The following MBOAT2 variants were observed in gnomAD, a reference collection of about 807,000 sequenced individuals.
MBOAT2 encodes the protein membrane bound glycerophospholipid O-acyltransferase 2.
MBOAT2 carries 28 observed loss-of-function variants against 63.4 expected under a neutral mutation model. That is an observed-to-expected ratio of 0.44 (90% CI 0.33 to 0.61). The LOEUF is 0.61. Among genes scored for constraint, MBOAT2 ranks in the 20% least tolerant of loss-of-function variants. The pLI is 0.03. For synonymous variants in MBOAT2, 211 were observed against 215.6 expected, an observed-to-expected ratio of 0.98 and a Z score of 0.19; for missense variants, 470 against 605.8, an observed-to-expected ratio of 0.78 and a Z score of 2.35.
chr2:8,859,112 T>C (rs1346332332), intron 12 of MBOAT2, among the ~76,000 whole-genome samples: 1 of 152,218 alleles, frequency 6.6e-6, no homozygotes, highest in Non-Finnish European at 1.5e-5. Flanking sequence ...CCAGGCTAAT[T>C]AGAAGCCTGA....
Position 8,856,310 on chromosome 2 carries a change from A to ACACACACACAC in MBOAT2, c.*2368_*2369insGTGTGTGTGTG, listed in dbSNP as rs60303614. 13 of 147,758 alleles carry ACACACACACAC rather than the reference A, an allele frequency of 8.8e-5. No homozygotes were observed. In the South Asian group the frequency reaches 1.7e-3, roughly 19 times the overall value. The allele number at this position is 147,758 out of a possible 1,614,324, so 9.2% of individuals were successfully genotyped here. A position where few individuals can be genotyped will look rare whatever the true frequency, so the allele number is the denominator to read the frequency against. ...GTGGCTAGATAGGCTGAACCAAAAA[A>ACACACACACAC]AAACACACACACACACACACACACA... On this transcript the variant is annotated 3_prime_UTR_variant, in exon 13 of 13. Transcript: ENST00000305997. This position sits in a 1 kb window ranked among gnomAD's most constrained non-coding sequence, Gnocchi z 4.2.
intron 10 of MBOAT2, among the ~76,000 whole-genome samples, chr2:8,863,589 G>A (rs1037756741): frequency 2.0e-5 from 3 of 152,028 alleles, no homozygotes; most frequent in East Asian, 3.9e-4. Flanking sequence ...AGTTCTTCCC[G>A]CATCCCTCTG....
intron 4 of MBOAT2, among the ~76,000 whole-genome samples, chr2:8,892,161 G>A (rs1664050869): frequency 2.6e-5 from 4 of 152,308 alleles, no homozygotes; most frequent in Non-Finnish European, 4.4e-5. Flanking sequence ...TTTCATGATT[G>A]TTCCATTATC....
chr2:8,884,010 G>A (rs1449409050), intron 5 of MBOAT2, among the ~76,000 whole-genome samples: 2 of 150,930 alleles, frequency 1.3e-5, no homozygotes, highest in Admixed American at 1.3e-4. Flanking sequence ...ATCACCTGAG[G>A]CCAGGAGTTT....
rs563428996 is a variant in MBOAT2 at position 9,003,359 on chromosome 2, G to A, written c.75+181C>T. Among the ~76,000 whole-genome samples the A allele has an allele frequency of 2.7e-3, 412 of 152,112 alleles. 1 individual carries two copies. Among genetic ancestry groups the A allele is most frequent in the Non-Finnish European group, 4.2e-3 (285 of 67,946 alleles). The stretch of plus-strand genomic sequence containing the variant: ...GGCGGGCTGGGGGCGCACCCAGGAG[G>A]GAGGGGGCTCTGGGACAATAACCGG... On this transcript the variant is annotated intron_variant, in intron 1 of 12. Transcript: ENST00000305997. This position sits in a 1 kb window ranked among gnomAD's most constrained non-coding sequence, Gnocchi z 5.4.
chr2:8,956,233 A>G (rs1573162128), intron 2 of MBOAT2, among the ~76,000 whole-genome samples: 1 of 152,192 alleles, frequency 6.6e-6, no homozygotes, highest in Non-Finnish European at 1.5e-5. Flanking sequence ...TTGAGCCTAC[A>G]AAAGAAAGTA....
Position 8,895,535 on chromosome 2 carries a change from A to G in MBOAT2, c.396-7462T>C, listed in dbSNP as rs530278500. Among the ~76,000 whole-genome samples the G allele has an allele frequency of 2.0e-5, 3 of 151,578 alleles. No homozygotes were observed. The East Asian group carries it at 5.8e-4, about 29-fold the overall frequency. ...TGCATTTACAAACCTTTAGCTAGATACAAAGTGCTGATTGGTGCATTTACA... is the reference window on the plus strand; with the variant it reads ...TGCATTTACAAACCTTTAGCTAGATGCAAAGTGCTGATTGGTGCATTTACA... On this transcript the variant is annotated intron_variant, in intron 4 of 12. Transcript: ENST00000305997.
intron 1 of MBOAT2, among the ~76,000 whole-genome samples, chr2:8,980,711 T>G (rs1244185152): frequency 1.3e-5 from 2 of 152,038 alleles, no homozygotes; most frequent in African/African-American, 4.8e-5. Context: ...AAAAAGATCG[T>G]TAAGTGTTGA....
chr2:8,948,884 T>C (rs1668612104), intron 2 of MBOAT2, among the ~76,000 whole-genome samples: 1 of 152,226 alleles, frequency 6.6e-6, no homozygotes. Flanking sequence ...GGTCAAACGG[T>C]AGTTGTTTCA....
chr2:8,953,483 T>C (rs1668986326), intron 2 of MBOAT2, among the ~76,000 whole-genome samples: 1 of 152,226 alleles, frequency 6.6e-6, no homozygotes, highest in Non-Finnish European at 1.5e-5. Flanking sequence ...GATGGCTACT[T>C]CTAGCAGGAT....
chr2:8,890,310 G>A (rs145450105), intron 4 of MBOAT2, among the ~76,000 whole-genome samples: 7 of 152,132 alleles, frequency 4.6e-5, no homozygotes, highest in African/African-American at 1.7e-4. Flanking sequence ...ACACACGCGC[G>A]CACGCAAATA....
intron 1 of MBOAT2, among the ~76,000 whole-genome samples, chr2:8,969,387 G>A (rs1313169339): frequency 6.6e-6 from 1 of 152,156 alleles, no homozygotes; most frequent in Non-Finnish European, 1.5e-5. Context: ...AACATGGAGA[G>A]GAACAACCAG....
intron 7 of MBOAT2, among the ~76,000 whole-genome samples, chr2:8,876,124 T>C (rs1252575166): frequency 6.6e-6 from 1 of 152,222 alleles, no homozygotes; most frequent in African/African-American, 2.4e-5. Context: ...TTTTACCAGA[T>C]GAAATCTAAC....
intron 1 of MBOAT2, among the ~76,000 whole-genome samples, chr2:8,993,515 C>T (rs1341968692): frequency 6.6e-6 from 1 of 152,086 alleles, no homozygotes; most frequent in Non-Finnish European, 1.5e-5. Context: ...TTTCCTAGCC[C>T]CTAACCTGCC....
At chr2:8,923,391 G>A (rs545031813) in intron 3 of MBOAT2, among the ~76,000 whole-genome samples, 54 of 152,252 alleles carry the variant, frequency 3.5e-4, no homozygotes, top group Admixed American at 1.3e-3. Context: ...GACACCACCT[G>A]AGACCTCCTC....
intron 1 of MBOAT2, among the ~76,000 whole-genome samples, chr2:8,962,358 A>G (rs1669670216): frequency 6.6e-6 from 1 of 152,214 alleles, no homozygotes; most frequent in Admixed American, 6.5e-5. Context: ...GATGGTCTTT[A>G]GTACCAGTCA....
chr2:8,870,184 CTT>C lies in MBOAT2; in HGVS notation c.884-1637_884-1636del, dbSNP rs539554340. Among the ~76,000 whole-genome samples the C allele has an allele frequency of 3.0e-4, 46 of 152,154 alleles. 1 individual carries two copies. In the South Asian group the frequency reaches 9.1e-3, roughly 30 times the overall value. ...CTACATGGACTAAATGTTTTTCAAA[CTT>C]GAGTTAAAGGGAAAAAAAGTGCTCA... On this transcript the variant is annotated intron_variant, in intron 8 of 12. Coordinates refer to ENST00000305997, the MANE Select transcript of MBOAT2 (RefSeq NM_138799.4).
intron 3 of MBOAT2, among the ~76,000 whole-genome samples, chr2:8,935,019 A>G (rs578243430): frequency 6.6e-6 from 1 of 152,320 alleles, no homozygotes; most frequent in Non-Finnish European, 1.5e-5. Flanking sequence ...ACCCCAGGAC[A>G]GTCTGCTCTT....
chr2:8,997,914 G>T (rs775837274), intron 1 of MBOAT2, among the ~76,000 whole-genome samples: 9 of 152,178 alleles, frequency 5.9e-5, no homozygotes, highest in Non-Finnish European at 1.0e-4. Flanking sequence ...AATTGTCAGG[G>T]CTCGTGGTAT....
Sources: allele counts gnomAD v4.1 joint callset (sites outside exome capture counted in the v4.1 genomes callset), GRCh38; gene constraint gnomAD v4.1.1; non-coding constraint Gnocchi (gnomAD v3.1); transcripts MANE v1.5; gene names NCBI Gene and HGNC (gene_info 2026-07-23, HGNC 2026-07-21).